The following BTNL8 variants were observed in gnomAD, a reference collection of about 807,000 sequenced individuals.
The protein encoded by BTNL8 is butyrophilin like 8.
A neutral mutation model predicts 36.1 loss-of-function variants in BTNL8; 22 were observed. The ratio of observed to expected loss-of-function variants is 0.61; its 90% CI spans 0.44 to 0.87. The LOEUF (loss-of-function observed/expected upper bound fraction) is 0.87. BTNL8 is among the 40% of genes least tolerant of loss of function. The pLI is 0.00. For synonymous variants in BTNL8, 203 were observed against 235.6 expected (o/e 0.86, Z 1.27); for missense variants, 526 against 616.9 (o/e 0.85, Z 1.56).
At chr5:180,930,144 T>G (rs1171733528) in intron 3 of BTNL8, among the ~76,000 whole-genome samples, 1 of 152,228 alleles carries the variant, frequency 6.6e-6, no homozygotes, top group Non-Finnish European at 1.5e-5. Flanking sequence ...ATCCTTGGGA[T>G]GCAAGGCTGG....
intron 3 of BTNL8, among the ~76,000 whole-genome samples, chr5:180,919,371 T>C (rs1364306470): frequency 6.6e-6 from 1 of 152,218 alleles, no homozygotes; most frequent in African/African-American, 2.4e-5. Flanking sequence ...ATTCCCTTTC[T>C]TGAGAAGAGG....
chr5:180,918,431 C>T (rs918454562), intron 3 of BTNL8, among the ~76,000 whole-genome samples: 6 of 152,068 alleles, frequency 3.9e-5, no homozygotes, highest in East Asian at 1.9e-4. Flanking sequence ...TGTTAACAAA[C>T]GCAGAGAAAG....
intron 3 of BTNL8, among the ~76,000 whole-genome samples, chr5:180,937,673 T>A (rs1751515253): frequency 6.6e-6 from 1 of 152,162 alleles, no homozygotes. Flanking sequence ...TGGAAGAGGT[T>A]ATTGTTCCAC....
intron 3 of BTNL8, among the ~76,000 whole-genome samples, chr5:180,946,804 T>C (rs1005141670): frequency 5.3e-5 from 8 of 152,228 alleles, no homozygotes; most frequent in African/African-American, 1.9e-4. Flanking sequence ...ATGATGGATG[T>C]CTTAATTAGC....
At chr5:180,928,925 G>C (rs1365948153) in intron 3 of BTNL8, among the ~76,000 whole-genome samples, 2 of 152,070 alleles carry the variant, frequency 1.3e-5, no homozygotes, top group Admixed American at 1.3e-4. Context: ...AATTAACAAG[G>C]ATATTCAGGA....
At chr5:180,920,356 C>A (rs1327140770) in intron 3 of BTNL8, among the ~76,000 whole-genome samples, 2 of 152,064 alleles carry the variant, frequency 1.3e-5, no homozygotes, top group African/African-American at 2.4e-5. Flanking sequence ...ATGATAGTTT[C>A]TTTAACAAAT....
intron 3 of BTNL8, among the ~76,000 whole-genome samples, chr5:180,920,151 G>T (rs1757799089): frequency 6.6e-6 from 1 of 152,086 alleles, no homozygotes. Context: ...AAAAGTAATT[G>T]TGGTTTTTGC....
rs552203419 is a variant in BTNL8, at chr5:180,912,752, A to G, written c.673+1138A>G. On this transcript the variant is annotated intron_variant, in intron 3 of 7. Transcript: ENST00000340184. ...TTCATGTTGTGATCTAGCAATACAGATATGCAAAATTTCACCATTTGCGAC... is the reference window on the plus strand; with the variant it reads ...TTCATGTTGTGATCTAGCAATACAGGTATGCAAAATTTCACCATTTGCGAC... 1.2e-4 allele frequency among the ~76,000 whole-genome samples: 18 copies of G among 152,284 alleles called. 1 individual carries two copies. Among genetic ancestry groups the G allele is most frequent in the Admixed American group, 3.9e-4 (6 of 15,288 alleles).
At chr5:180,900,311 A>G (rs752270431) in intron 1 of BTNL8, among the ~76,000 whole-genome samples, 27 of 152,190 alleles carry the variant, frequency 1.8e-4, no homozygotes, top group Non-Finnish European at 3.5e-4. Context: ...TTTATTGTTC[A>G]CAGCTTCCTT....
intron 2 of BTNL8, chr5:180,909,695 A>T: frequency 4.7e-5 from 18 of 382,778 alleles, no homozygotes; most frequent in Non-Finnish European, 6.0e-5. Flanking sequence ...GCCTGGGCAT[A>T]TGGTAAGACC....
intron 3 of BTNL8, among the ~76,000 whole-genome samples, chr5:180,933,204 T>C (rs1172482640): frequency 2.0e-5 from 3 of 152,100 alleles, no homozygotes; most frequent in African/African-American, 7.2e-5. Context: ...TGCAACACAA[T>C]AGAAGTAGGG....
chr5:180,937,400 A>G (rs901282840), intron 3 of BTNL8, among the ~76,000 whole-genome samples: 3 of 152,224 alleles, frequency 2.0e-5, no homozygotes, highest in Admixed American at 2.0e-4. Flanking sequence ...TCCAATGTTG[A>G]TTACAGCTGA....
At chr5:180,911,702 G>A in intron 3 of BTNL8, 88 bp downstream of exon 3, 1 of 1,276,274 alleles carries the variant, frequency 7.8e-7, no homozygotes, top group East Asian at 2.3e-5. Context: ...TGGCATTGCT[G>A]TTTTATCTTT....
At chr5:180,913,279 A>T (rs1757489421) in intron 3 of BTNL8, among the ~76,000 whole-genome samples, 1 of 152,118 alleles carries the variant, frequency 6.6e-6, no homozygotes, top group Non-Finnish European at 1.5e-5. Context: ...ATCTCAGGGG[A>T]TTAACCCTGC....
intron 4 of BTNL8, chr5:180,947,882 GC>G (rs1405286829): frequency 7.5e-7 from 1 of 1,332,138 alleles, no homozygotes; most frequent in Non-Finnish European, 1.0e-6. Flanking sequence ...TATAGAGAGA[GC>G]TTGGATAATT....
chr5:180,941,176 T>C (rs1372453149), intron 3 of BTNL8, among the ~76,000 whole-genome samples: 1 of 148,770 alleles, frequency 6.7e-6, no homozygotes, highest in Non-Finnish European at 1.5e-5. Flanking sequence ...AACTAGTATA[T>C]GCCAACAAGT....
At chr5:180,945,946 A>G (rs1176065191) in intron 3 of BTNL8, 2 of 193,524 alleles carry the variant, frequency 1.0e-5, no homozygotes, top group Non-Finnish European at 2.3e-5. Context: ...GCATCTACGC[A>G]ATGAAAAACC....
In BTNL8 at chr5:180,947,612, C is replaced by A. The variant is rs779292643; in HGVS notation, c.774C>A (p.Phe258Leu). 6.2e-7 allele frequency: 1 copy of A among 1,614,194 alleles called. No homozygotes were observed. ...FFGIVGLKIFFSKFQWKIQAE... is the reference protein window; with the variant it reads ...FFGIVGLKIFLSKFQWKIQAE... ...GCATTGTTGGACTGAAGATTTTCTT[C>A]TCCAAATTCCAGTGTAAGCGAGAGA... The change falls in exon 4 of 8, where the codon TTC becomes TTA. Residue 258 changes from phenylalanine to leucine, a missense_variant. Physicochemically the swap from Phe to Leu is conservative, Grantham distance 22. This residue lies in a region of BTNL8 where 350 missense variants were observed against 324.6 expected (regional missense o/e 1.08). Coordinates refer to ENST00000340184, the MANE Select transcript of BTNL8 (RefSeq NM_001040462.3).
intron 3 of BTNL8, among the ~76,000 whole-genome samples, chr5:180,916,260 C>A (rs1183723325): frequency 1.3e-5 from 2 of 152,150 alleles, no homozygotes; most frequent in Admixed American, 1.3e-4. Context: ...CACATAAACT[C>A]TGGGGATACA....
Sources: gnomAD v4.1 joint callset for allele counts (sites outside exome capture counted in the v4.1 genomes callset) on GRCh38, gnomAD v4.1.1 for gene constraint, gnomAD v4.1.1 regional missense constraint, MANE v1.5 for transcripts, NCBI Gene and HGNC (gene_info 2026-07-23, HGNC 2026-07-21) for gene names.